The following DPYD variants were observed in gnomAD, a reference collection of about 807,000 sequenced individuals.
DPYD encodes the protein dihydropyrimidine dehydrogenase, also known as dihydropyrimidine dehydrogenase [NADP(+)].
In DPYD, 109 loss-of-function variants were observed where a neutral mutation model predicts 116.2. That is an observed-to-expected ratio of 0.94 (90% CI 0.80 to 1.10). The LOEUF is 1.10. Among genes scored for constraint, DPYD ranks in the 50% least tolerant of loss-of-function variants. The pLI is 0.00. For missense variants in DPYD, 1,302 were observed against 1,254.5 expected, an observed-to-expected ratio of 1.04 and a Z score of -0.57; for synonymous variants, 440 against 432.0, an observed-to-expected ratio of 1.02 and a Z score of -0.23.
chr1:97,429,420 A>G (rs777201983), intron 14 of DPYD, among the ~76,000 whole-genome samples: 9 of 152,056 alleles, frequency 5.9e-5, no homozygotes, highest in Non-Finnish European at 8.8e-5. Flanking sequence ...ATCTGCCTTA[A>G]TCATAAACAG....
At chr1:97,781,661 T>G (rs1014568430) in intron 3 of DPYD, among the ~76,000 whole-genome samples, 1 of 152,196 alleles carries the variant, frequency 6.6e-6, no homozygotes, top group African/African-American at 2.4e-5. Flanking sequence ...AGAGTATCCA[T>G]GAACACACCT....
chr1:97,151,097 T>A (rs1654977693), intron 20 of DPYD, among the ~76,000 whole-genome samples: 1 of 152,224 alleles, frequency 6.6e-6, no homozygotes, highest in African/African-American at 2.4e-5. Context: ...CAAATCCAGC[T>A]ATCTTATGTT....
chr1:97,157,059 T>C (rs1425835456), intron 20 of DPYD, among the ~76,000 whole-genome samples: 8 of 135,682 alleles, frequency 5.9e-5, no homozygotes, highest in East Asian at 2.2e-4. Context: ...TAGGTGGGAA[T>C]TGAACAATGA....
rs930673874 is a variant in DPYD, at chr1:97,576,761, A to T, written c.1129-2791T>A. Among the ~76,000 whole-genome samples, 112 of 152,154 alleles carry T rather than the reference A, an allele frequency of 7.4e-4. 1 individual carries two copies. Among genetic ancestry groups the T allele is most frequent in the African/African-American group, 2.7e-3 (110 of 41,434 alleles). ...ATTCAAATATCTGGCATTCTTACCA[A>T]TTATCCGACAGTGCACTGGGGATGG... is the stretch of plus-strand genomic sequence containing the variant. On this transcript the variant is annotated intron_variant, in intron 10 of 22. Coordinates refer to ENST00000370192, the MANE Select transcript of DPYD (RefSeq NM_000110.4).
intron 3 of DPYD, among the ~76,000 whole-genome samples, chr1:97,754,971 G>A (rs1665148704): frequency 6.6e-6 from 1 of 152,178 alleles, no homozygotes; most frequent in Non-Finnish European, 1.5e-5. Flanking sequence ...GAGGGAGAGA[G>A]AGTCTTGTGG....
At chr1:97,610,865 T>A (rs1315849491) in intron 8 of DPYD, among the ~76,000 whole-genome samples, 1 of 152,024 alleles carries the variant, frequency 6.6e-6, no homozygotes, top group Admixed American at 6.6e-5. Flanking sequence ...CATTGATACA[T>A]CTGGGGAGCT....
At position 97,443,552 on chromosome 1, in the gene DPYD, A is replaced by C. The variant is rs143798995; in HGVS notation, c.1905+6507T>G. ...GGACTTGACAAGCTCAAAAAATTTC[A>C]GAGGGAACAAAGGAGAAGTCCCTTC... On this transcript the variant is annotated intron_variant, in intron 14 of 22. Transcript: ENST00000370192. Among the ~76,000 whole-genome samples, 8 of 152,334 alleles carry C rather than the reference A, an allele frequency of 5.3e-5. No individual in the cohort carries two copies. The East Asian group carries it at 1.5e-3, about 29-fold the overall frequency.
chr1:97,326,382 G>C (rs1332141956), intron 16 of DPYD, among the ~76,000 whole-genome samples: 1 of 151,844 alleles, frequency 6.6e-6, no homozygotes, highest in African/African-American at 2.4e-5. Context: ...ATCTCAGAAA[G>C]GAGTTTTGGA....
chr1:97,376,591 A>C (rs191013225), intron 15 of DPYD, among the ~76,000 whole-genome samples: 3 of 152,242 alleles, frequency 2.0e-5, no homozygotes, highest in Admixed American at 6.5e-5. Flanking sequence ...CTTAAAAGGC[A>C]GTTAATTCCA....
chr1:97,391,189 A>AAT (rs1672684014), intron 14 of DPYD, among the ~76,000 whole-genome samples: 1 of 151,770 alleles, frequency 6.6e-6, no homozygotes, highest in Non-Finnish European at 1.5e-5. Flanking sequence ...GACTGTAAAT[A>AAT]ATATCTATTA....
At chr1:97,576,119 T>C (rs1478491079) in intron 10 of DPYD, among the ~76,000 whole-genome samples, 1 of 152,224 alleles carries the variant, frequency 6.6e-6, no homozygotes, top group Non-Finnish European at 1.5e-5. Flanking sequence ...ACAAAATAAA[T>C]ATGATTCCAA....
chr1:97,361,957 C>T (rs551320605), intron 16 of DPYD, among the ~76,000 whole-genome samples: 1 of 152,088 alleles, frequency 6.6e-6, no homozygotes, highest in Non-Finnish European at 1.5e-5. Flanking sequence ...TGGCCAGGGC[C>T]ATCAGGCAAG....
intron 13 of DPYD, among the ~76,000 whole-genome samples, chr1:97,483,423 A>G (rs1041154820): frequency 5.3e-5 from 8 of 152,150 alleles, no homozygotes; most frequent in African/African-American, 1.2e-4. Context: ...CCAATGTCAT[A>G]GTATTACTTA....
intron 14 of DPYD, among the ~76,000 whole-genome samples, chr1:97,442,621 A>G (rs1363016267): frequency 1.3e-5 from 2 of 152,084 alleles, no homozygotes; most frequent in African/African-American, 4.8e-5. Flanking sequence ...ATATTAAAGC[A>G]GGGGAGTATA....
rs757559928 is a variant in DPYD at position 97,814,329 on chromosome 1, AG to A, written c.233+13784del. On this transcript the variant is annotated intron_variant, in intron 3 of 22. Coordinates refer to ENST00000370192, the MANE Select transcript of DPYD (RefSeq NM_000110.4). The stretch of plus-strand genomic sequence containing the variant: ...GTTTTTGCAAGACAAGTTAGGAGTA[AG>A]GAATTTGTCATTTATTCTAAGTAAA... 9.2e-5 allele frequency among the ~76,000 whole-genome samples: 14 copies of A among 152,326 alleles called. No homozygotes were observed. In the South Asian group the frequency reaches 2.5e-3, roughly 27 times the overall value.
intron 19 of DPYD, among the ~76,000 whole-genome samples, chr1:97,232,526 TA>T (rs1661649950): frequency 6.6e-6 from 1 of 152,154 alleles, no homozygotes; most frequent in Admixed American, 6.5e-5. Flanking sequence ...CTGAGGACAT[TA>T]GTGTTACATC....
chr1:97,781,265 C>T (rs565370648), intron 3 of DPYD, among the ~76,000 whole-genome samples: 16 of 152,248 alleles, frequency 1.1e-4, no homozygotes, highest in East Asian at 1.9e-4. Context: ...AATAAATTTG[C>T]TTTATACTTT....
chr1:97,232,438 T>C (rs1661641814), intron 19 of DPYD, among the ~76,000 whole-genome samples: 1 of 152,202 alleles, frequency 6.6e-6, no homozygotes, highest in Non-Finnish European at 1.5e-5. Flanking sequence ...TACAGGTTTA[T>C]GTCTTTTGCA....
intron 3 of DPYD, among the ~76,000 whole-genome samples, chr1:97,771,442 A>G (rs940179000): frequency 2.6e-5 from 4 of 152,212 alleles, no homozygotes; most frequent in African/African-American, 9.6e-5. Flanking sequence ...ACATGCATAT[A>G]TGTGCACAAA....
Sources: allele counts gnomAD v4.1 joint callset (sites outside exome capture counted in the v4.1 genomes callset), GRCh38; gene constraint gnomAD v4.1.1; transcripts MANE v1.5; gene names NCBI Gene and HGNC (gene_info 2026-07-23, HGNC 2026-07-21).